SPOCK1: variants seen among roughly 807,000 people sequenced by gnomAD.
The protein encoded by SPOCK1 is SPARC (osteonectin), cwcv and kazal like domains proteoglycan 1, also known as testican-1.
In SPOCK1, 23 loss-of-function variants were observed where a neutral mutation model predicts 55.3. The observed-to-expected ratio is 0.42, with a 90% confidence interval of 0.30 to 0.59. SPOCK1 has a LOEUF of 0.59. Among genes scored for constraint, SPOCK1 ranks in the 20% least tolerant of loss-of-function variants. SPOCK1 has a pLI of 0.22. For missense variants in SPOCK1, 499 were observed against 552.5 expected, an observed-to-expected ratio of 0.90 and a Z score of 0.97; for synonymous variants, 226 against 221.0, an observed-to-expected ratio of 1.02 and a Z score of -0.20.
At chr5:137,051,354 C>T (rs902884107) in intron 6 of SPOCK1, among the ~76,000 whole-genome samples, 2 of 152,272 alleles carry the variant, frequency 1.3e-5, no homozygotes, top group South Asian at 2.1e-4. Flanking sequence ...AGAGTAAGGG[C>T]GCTGCCTGGT....
At chr5:137,184,420 T>TCGCC (rs779241213) in intron 3 of SPOCK1, among the ~76,000 whole-genome samples, 3 of 152,288 alleles carry the variant, frequency 2.0e-5, no homozygotes, top group Non-Finnish European at 4.4e-5. Context: ...GGGTCTGTCC[T>TCGCC]CGCCCCAGAA....
chr5:137,227,888 G>A (rs1755975334), intron 3 of SPOCK1, among the ~76,000 whole-genome samples: 1 of 152,160 alleles, frequency 6.6e-6, no homozygotes, highest in African/African-American at 2.4e-5. Flanking sequence ...CTCATGTGAG[G>A]CAGATACATC....
intron 6 of SPOCK1, among the ~76,000 whole-genome samples, chr5:137,044,112 C>T (rs948801652): frequency 6.6e-6 from 1 of 152,060 alleles, no homozygotes; most frequent in South Asian, 2.1e-4. Flanking sequence ...TTATTGGACA[C>T]CAGTTGCTGA....
chr5:137,097,301 C>G (rs1753169809), intron 5 of SPOCK1, among the ~76,000 whole-genome samples: 1 of 152,182 alleles, frequency 6.6e-6, no homozygotes, highest in Non-Finnish European at 1.5e-5. Context: ...AGTTTTCTGA[C>G]TCCCTTGCAC....
chr5:137,429,203 T>A (rs902252207), intron 2 of SPOCK1, among the ~76,000 whole-genome samples: 1 of 152,170 alleles, frequency 6.6e-6, no homozygotes, highest in Admixed American at 6.5e-5. Context: ...GGATTCTGCT[T>A]TCTCAGGCTG....
intron 6 of SPOCK1, among the ~76,000 whole-genome samples, chr5:137,042,063 A>C (rs1752010799): frequency 1.3e-5 from 2 of 152,162 alleles, no homozygotes; most frequent in Admixed American, 1.3e-4. Flanking sequence ...GCCCTTCAAT[A>C]TGTGAATGGA....
intron 3 of SPOCK1, among the ~76,000 whole-genome samples, chr5:137,167,393 CA>C (rs532782901): frequency 4.2e-4 from 64 of 151,772 alleles, no homozygotes; most frequent in African/African-American, 1.5e-3. Flanking sequence ...CCAGTTTCAG[CA>C]CTGGACAGAT....
At chr5:137,313,805 C>G (rs575612492) in intron 2 of SPOCK1, among the ~76,000 whole-genome samples, 1 of 150,948 alleles carries the variant, frequency 6.6e-6, no homozygotes, top group Non-Finnish European at 1.5e-5. Context: ...CATTTTCCTA[C>G]CTAGCTCTTT....
intron 3 of SPOCK1, among the ~76,000 whole-genome samples, chr5:137,147,182 G>T (rs532588975): frequency 6.6e-6 from 1 of 152,204 alleles, no homozygotes; most frequent in East Asian, 1.9e-4. Flanking sequence ...GATAACAATT[G>T]TTAAATGTAG....
chr5:137,127,675 C>A (rs563578053), intron 4 of SPOCK1, among the ~76,000 whole-genome samples: 1 of 152,336 alleles, frequency 6.6e-6, no homozygotes, highest in South Asian at 2.1e-4. Flanking sequence ...CCTGTTATCC[C>A]TTTCTTCTTT....
chr5:137,347,708 C>T (rs1280811974), intron 2 of SPOCK1, among the ~76,000 whole-genome samples: 4 of 151,962 alleles, frequency 2.6e-5, no homozygotes, highest in African/African-American at 9.7e-5. Flanking sequence ...CAGGGCAAGA[C>T]TCCATCTCAA....
At chr5:137,271,646 T>C (rs1756966684) in intron 2 of SPOCK1, among the ~76,000 whole-genome samples, 1 of 152,110 alleles carries the variant, frequency 6.6e-6, no homozygotes, top group South Asian at 2.1e-4. Context: ...ACTGATGCAA[T>C]TTAGCTCAAA....
intron 3 of SPOCK1, among the ~76,000 whole-genome samples, chr5:137,159,667 A>G (rs1434550679): frequency 6.6e-6 from 1 of 152,132 alleles, no homozygotes. Context: ...AAAAGGCACA[A>G]TTTTATTCTT....
At chr5:137,387,989 G>A (rs1751631446) in intron 2 of SPOCK1, among the ~76,000 whole-genome samples, 1 of 148,192 alleles carries the variant, frequency 6.7e-6, no homozygotes, top group African/African-American at 2.7e-5. Context: ...AAAAGTCACA[G>A]AGAGAAGGGA....
chr5:136,986,583 A>C (rs1021294971), intron 8 of SPOCK1, among the ~76,000 whole-genome samples: 2 of 152,188 alleles, frequency 1.3e-5, no homozygotes, highest in African/African-American at 4.8e-5. Context: ...ATGATTGCAC[A>C]CCCGAAAAAT....
intron 3 of SPOCK1, among the ~76,000 whole-genome samples, chr5:137,190,058 G>A (rs1755149850): frequency 6.6e-6 from 1 of 151,210 alleles, no homozygotes; most frequent in Non-Finnish European, 1.5e-5. Flanking sequence ...TGCTTCCTAT[G>A]GATGAGAAAA....
At chr5:137,435,148 C>G (rs1028901954) in intron 2 of SPOCK1, among the ~76,000 whole-genome samples, 1 of 152,180 alleles carries the variant, frequency 6.6e-6, no homozygotes, top group Admixed American at 6.5e-5. Context: ...CATTTAATTT[C>G]TTTAAGTAAC....
At chr5:137,137,431 T>A (rs949286535) in intron 4 of SPOCK1, among the ~76,000 whole-genome samples, 2 of 152,088 alleles carry the variant, frequency 1.3e-5, no homozygotes, top group Non-Finnish European at 2.9e-5. Flanking sequence ...TTCAAAGAGG[T>A]ATGCACTCAA....
At chr5:137,121,883 T>A (rs1177543369) in intron 4 of SPOCK1, among the ~76,000 whole-genome samples, 1 of 146,514 alleles carries the variant, frequency 6.8e-6, no homozygotes, top group Non-Finnish European at 1.5e-5. Flanking sequence ...TAATTATATA[T>A]AATTATTAGT....
Sources: gnomAD v4.1 joint callset for allele counts (sites outside exome capture counted in the v4.1 genomes callset) on GRCh38, gnomAD v4.1.1 for gene constraint, MANE v1.5 for transcripts, NCBI Gene and HGNC (gene_info 2026-07-23, HGNC 2026-07-21) for gene names.